The following PTDSS2 variants were observed in gnomAD, a reference collection of about 807,000 sequenced individuals.
PTDSS2 encodes phosphatidylserine synthase 2.
In PTDSS2, 41 loss-of-function variants were observed where a neutral mutation model predicts 64.7. That is an observed-to-expected ratio of 0.63 (90% CI 0.49 to 0.82). The LOEUF is 0.82. Ranked by LOEUF, PTDSS2 falls within the 40% of genes least tolerant of loss-of-function variation. PTDSS2 has a pLI of 0.00. For missense variants in PTDSS2, 485 were observed against 650.0 expected (o/e 0.75, Z 2.76); for synonymous variants, 297 against 277.8 (o/e 1.07, Z -0.69).
rs143226132 is a variant in PTDSS2, at chr11:469,682, A to AG, written c.285-4208dup. Among the ~76,000 whole-genome samples, 1,370 of 152,210 alleles carry AG rather than the reference A, an allele frequency of 9.0e-3. 29 individuals carry two copies. Among genetic ancestry groups the AG allele is most frequent in the African/African-American group, 0.031 (1,303 of 41,506 alleles). ...ACAGATCTTGTTGCTGTACAAGCTGAGGGGGCCTAGAACCAGCTATGCTTG... is the reference window on the plus strand; with the variant it reads ...ACAGATCTTGTTGCTGTACAAGCTGAGGGGGGCCTAGAACCAGCTATGCTTG... On this transcript the variant is annotated intron_variant, in intron 2 of 11. Coordinates refer to ENST00000308020, the MANE Select transcript of PTDSS2 (RefSeq NM_030783.3).
In PTDSS2 at chr11:473,877, T is replaced by C; in HGVS notation, c.285-18T>C. On this transcript the variant is annotated intron_variant, in intron 2 of 11. Coordinates refer to ENST00000308020, the MANE Select transcript of PTDSS2 (RefSeq NM_030783.3). ...GAAGCCTGCACACACTGAGGGGCTGTTTGTTCTTTATTTGCAGAGGTATTG... is the reference window on the plus strand; with the variant it reads ...GAAGCCTGCACACACTGAGGGGCTGCTTGTTCTTTATTTGCAGAGGTATTG... 6.3e-7 allele frequency: 1 copy of C among 1,591,950 alleles called. No homozygotes were observed. Among genetic ancestry groups the C allele is most frequent in the South Asian group, 1.1e-5 (1 of 90,668 alleles).
chr11:458,146 TC>T (rs1846682118), intron 1 of PTDSS2, among the ~76,000 whole-genome samples: 1 of 152,254 alleles, frequency 6.6e-6, no homozygotes, highest in South Asian at 2.1e-4. Flanking sequence ...GCCTATTTTT[TC>T]ATTAAATTGT....
In PTDSS2 at chr11:489,829, C is replaced by T. The variant is rs56005321; in HGVS notation, c.1116-54C>T. ...TGGGAGGCCGGAGCCTGGGCAAGTCCGCCTGGAGGACCCTGCGGGGCCCGG... is the reference window on the plus strand; with the variant it reads ...TGGGAGGCCGGAGCCTGGGCAAGTCTGCCTGGAGGACCCTGCGGGGCCCGG... On this transcript the variant is annotated intron_variant, in intron 10 of 11. Transcript: ENST00000308020. 2.9e-5 allele frequency: 45 copies of T among 1,544,268 alleles called. No homozygotes were observed. In the African/African-American group the frequency reaches 3.1e-4, roughly 11 times the overall value.
rs898328280 is a variant in PTDSS2 at position 462,317 on chromosome 11, G to C, written c.284+2029G>C. Among the ~76,000 whole-genome samples the C allele has an allele frequency of 6.6e-6, 1 of 152,120 alleles. No individual in the cohort carries two copies. Among genetic ancestry groups the C allele is most frequent in the Non-Finnish European group, 1.5e-5 (1 of 67,998 alleles). Reference sequence around the variant, plus strand: ...TGGCCTCTCCTGAGTGGCCCCCGACGTGAGAGGCTGGGTTCTGCCATCCTG... The same window carrying C: ...TGGCCTCTCCTGAGTGGCCCCCGACCTGAGAGGCTGGGTTCTGCCATCCTG... On this transcript the variant is annotated intron_variant, in intron 2 of 11. Coordinates refer to ENST00000308020, the MANE Select transcript of PTDSS2 (RefSeq NM_030783.3). This position sits in a 1 kb window ranked among gnomAD's most constrained non-coding sequence, Gnocchi z 4.5.
intron 2 of PTDSS2, among the ~76,000 whole-genome samples, chr11:468,899 G>A (rs1274590175): frequency 2.0e-5 from 3 of 149,630 alleles, no homozygotes; most frequent in Non-Finnish European, 3.0e-5. Context: ...GGAGTCTCTG[G>A]GTAATCGGAG....
At position 470,878 on chromosome 11, in the gene PTDSS2, G is replaced by T. The variant is rs889957960; in HGVS notation, c.285-3017G>T. ...GCTGGGATTACAGGCGTGAGCCACC[G>T]CACCCAGCCAGCACCGGCTTATTAA... On this transcript the variant is annotated intron_variant, in intron 2 of 11. Transcript: ENST00000308020. This position sits in a 1 kb window ranked among gnomAD's most constrained non-coding sequence, Gnocchi z 5.3. Among the ~76,000 whole-genome samples, 1 of 152,052 alleles carries T rather than the reference G, an allele frequency of 6.6e-6. No homozygotes were observed. Among genetic ancestry groups the T allele is most frequent in the Admixed American group, 6.5e-5 (1 of 15,270 alleles).
rs1459898427 is a variant in PTDSS2, at chr11:488,132, C to T, written c.622-67C>T. Reference sequence around the variant, plus strand: ...TGGCTGCCAGCCGGGGTGGGGGCTGCACGCACCCGTGGGCAGGGCCGGGTG... The same window carrying T: ...TGGCTGCCAGCCGGGGTGGGGGCTGTACGCACCCGTGGGCAGGGCCGGGTG... On this transcript the variant is annotated intron_variant, in intron 6 of 11. Transcript: ENST00000308020. 4.1e-6 allele frequency: 5 copies of T among 1,208,884 alleles called. No homozygotes were observed. The East Asian group carries it at 1.2e-4, about 28-fold the overall frequency. The allele number at this position is 1,208,884 out of a possible 1,614,324, so 74.9% of individuals were successfully genotyped here.
chr11:452,422 G>T (rs1846377418), intron 1 of PTDSS2, among the ~76,000 whole-genome samples: 2 of 152,262 alleles, frequency 1.3e-5, no homozygotes, highest in South Asian at 4.1e-4. Context: ...GGAAGCAGGA[G>T]CAGCAGCCCA....
At chr11:459,915 G>A in intron 1 of PTDSS2, 2 of 466,318 alleles carry the variant, frequency 4.3e-6, no homozygotes, top group Non-Finnish European at 7.8e-6. Context: ...GTGGCAGCAT[G>A]TGCCCTCTGA....
upstream of PTDSS2, among the ~76,000 whole-genome samples, chr11:449,967 C>T (rs1314454388): frequency 2.0e-5 from 3 of 152,112 alleles, no homozygotes; most frequent in Non-Finnish European, 4.4e-5. Flanking sequence ...TGACCCGGGT[C>T]GCATGGGGTG....
At position 488,135 on chromosome 11, in the gene PTDSS2, G is replaced by T; in HGVS notation, c.622-64G>T. On this transcript the variant is annotated intron_variant, in intron 6 of 11. Transcript: ENST00000308020. ...CTGCCAGCCGGGGTGGGGGCTGCACGCACCCGTGGGCAGGGCCGGGTGTGG... is the reference window on the plus strand; with the variant it reads ...CTGCCAGCCGGGGTGGGGGCTGCACTCACCCGTGGGCAGGGCCGGGTGTGG... 3.3e-6 allele frequency: 4 copies of T among 1,203,908 alleles called. No homozygotes were observed. The African/African-American group carries it at 4.6e-5, about 14-fold the overall frequency. The allele number at this position is 1,203,908 out of a possible 1,614,324, so 74.6% of individuals were successfully genotyped here. A position where few individuals can be genotyped will look rare whatever the true frequency, so the allele number is the denominator to read the frequency against.
intron 1 of PTDSS2, chr11:458,774 A>AC (rs1846720633): frequency 6.6e-6 from 1 of 152,216 alleles, no homozygotes; most frequent in South Asian, 2.1e-4. Context: ...TTGGGACTAC[A>AC]GACGCGTGCA....
chr11:488,200 C>T lies in PTDSS2; in HGVS notation c.623C>T (p.Thr208Ile), dbSNP rs1342697360. The change falls in exon 7 of 12, where the codon ACC becomes ATC. Residue 208 changes from threonine to isoleucine, a missense_variant and splice_region_variant. By Grantham distance (89) the Thr-to-Ile change is moderately conservative. Transcript: ENST00000308020. ...PAHFLGWYLKTLMIRDWWMCM... is the reference protein window; with the variant it reads ...PAHFLGWYLKILMIRDWWMCM... ...TCTGGCTGACCCTGGCGCCCACAGA[C>T]CCTGATGATCCGAGACTGGTGGATG... 6.2e-7 allele frequency: 1 copy of T among 1,611,216 alleles called. No homozygotes were observed. Among genetic ancestry groups the T allele is most frequent in the Admixed American group, 1.7e-5 (1 of 60,018 alleles).
Position 460,411 on chromosome 11 carries a change from G to A in PTDSS2, c.284+123G>A, listed in dbSNP as rs566752083. Reference sequence around the variant, plus strand: ...CTTCACCAGAGGGCTGCGTGGGGCCGCCGGCCTCTCCCTTGAGTGTGTCTG... The same window carrying A: ...CTTCACCAGAGGGCTGCGTGGGGCCACCGGCCTCTCCCTTGAGTGTGTCTG... On this transcript the variant is annotated intron_variant, in intron 2 of 11. Transcript: ENST00000308020. This position sits in a 1 kb window ranked among gnomAD's most constrained non-coding sequence, Gnocchi z 5.8. The A allele has an allele frequency of 2.5e-5, 18 of 734,286 alleles. No homozygotes were observed. The highest frequency in any genetic ancestry group is 6.6e-5 in the South Asian group (4 of 60,468). 45.5% of individuals were successfully genotyped at this position (734,286 alleles called of 1,614,324 possible).
At chr11:475,401 TACAG>T (rs1273274430) in intron 3 of PTDSS2, among the ~76,000 whole-genome samples, 6 of 151,084 alleles carry the variant, frequency 4.0e-5, no homozygotes, top group African/African-American at 9.8e-5. Flanking sequence ...GCGTTTGTGA[TACAG>T]ACATATTCAC....
rs565627768 is a variant in PTDSS2 at position 490,664 on chromosome 11, G to A, written c.*82G>A. ...CTGTGTGAGTCCCACCAGGAGCCACGTGCCCGGCCTTGCCCTCAAGGTTTT... is the reference window on the plus strand; with the variant it reads ...CTGTGTGAGTCCCACCAGGAGCCACATGCCCGGCCTTGCCCTCAAGGTTTT... On this transcript the variant is annotated 3_prime_UTR_variant, in exon 12 of 12. Transcript: ENST00000308020. 1,285 of 1,406,426 alleles carry A rather than the reference G, an allele frequency of 9.1e-4. 2 individuals carry two copies. The highest frequency in any genetic ancestry group is 1.0e-3 in the Non-Finnish European group (1,059 of 1,049,160). 87.1% of individuals were successfully genotyped at this position (1,406,426 alleles called of 1,614,324 possible). A position where few individuals can be genotyped will look rare whatever the true frequency, so the allele number is the denominator to read the frequency against.
In PTDSS2 at chr11:460,165, C is replaced by T. The variant is rs1846809571; in HGVS notation, c.183-22C>T. 2 of 1,598,046 alleles carry T rather than the reference C, an allele frequency of 1.3e-6. No individual in the cohort carries two copies. Among genetic ancestry groups the T allele is most frequent in the Non-Finnish European group, 1.7e-6 (2 of 1,165,442 alleles). On this transcript the variant is annotated intron_variant, in intron 1 of 11. Transcript: ENST00000308020. The surrounding 1 kb of genome is among the most constrained non-coding windows in gnomAD (Gnocchi z 5.8). Reference sequence around the variant, plus strand: ...ATGCTGCCCAAGCTCTGACACCATGCTTATGCGTTTTTGGATTTCAGGCGA... The same window carrying T: ...ATGCTGCCCAAGCTCTGACACCATGTTTATGCGTTTTTGGATTTCAGGCGA...
rs2133770580 is a variant in PTDSS2 at position 461,012 on chromosome 11, C to T, written c.284+724C>T. The T allele has an allele frequency of 6.6e-6, 1 of 152,414 alleles. No individual in the cohort carries two copies. Among genetic ancestry groups the T allele is most frequent in the African/African-American group, 2.4e-5 (1 of 41,578 alleles). 9.4% of individuals were successfully genotyped at this position (152,414 alleles called of 1,614,324 possible). On this transcript the variant is annotated intron_variant, in intron 2 of 11. Transcript: ENST00000308020. The surrounding 1 kb of genome is among the most constrained non-coding windows in gnomAD (Gnocchi z 4.2). ...CCATCAGGGCCTGGCCCCACTTGCT[C>T]CGGCGGGATGGTGGGAGGAAGCCGG...
intron 1 of PTDSS2, among the ~76,000 whole-genome samples, chr11:453,408 A>G (rs1379287930): frequency 6.6e-6 from 1 of 152,146 alleles, no homozygotes; most frequent in Non-Finnish European, 1.5e-5. Context: ...GGATGACCAC[A>G]CTTGCTAACC....
Sources: gnomAD v4.1 joint callset for allele counts (sites outside exome capture counted in the v4.1 genomes callset) on GRCh38, gnomAD v4.1.1 for gene constraint, Gnocchi (gnomAD v3.1) non-coding constraint, MANE v1.5 for transcripts, NCBI Gene and HGNC (gene_info 2026-07-23, HGNC 2026-07-21) for gene names.